GALNTL6: variants seen among roughly 807,000 people sequenced by gnomAD.
GALNTL6 encodes the protein polypeptide N-acetylgalactosaminyltransferase-like 6.
Under a neutral mutation model 73.7 loss-of-function variants are expected in GALNTL6, and 46 were observed. The ratio of observed to expected loss-of-function variants is 0.62; its 90% CI spans 0.49 to 0.80. The LOEUF is 0.80. Among genes scored for constraint, GALNTL6 ranks in the 30% least tolerant of loss-of-function variants. The pLI, the probability that GALNTL6 is intolerant of heterozygous loss-of-function variation, is 0.00. For missense variants in GALNTL6, 604 were observed against 755.0 expected, an observed-to-expected ratio of 0.80 and a Z score of 2.34; for synonymous variants, 259 against 263.7, an observed-to-expected ratio of 0.98 and a Z score of 0.17.
chr4:172,846,137 T>C (rs1743494356), intron 7 of GALNTL6, among the ~76,000 whole-genome samples: 1 of 152,154 alleles, frequency 6.6e-6, no homozygotes, highest in Admixed American at 6.5e-5. Context: ...CTGGCCCCAG[T>C]AGGGAAGAGC....
At chr4:172,559,295 A>G (rs919227588) in intron 5 of GALNTL6, among the ~76,000 whole-genome samples, 1 of 151,798 alleles carries the variant, frequency 6.6e-6, no homozygotes, top group African/African-American at 2.4e-5. Context: ...TGATCTCCTG[A>G]TCTCGTGATC....
intron 2 of GALNTL6, among the ~76,000 whole-genome samples, chr4:171,914,601 A>G (rs945542371): frequency 3.3e-5 from 5 of 151,614 alleles, no homozygotes; most frequent in Non-Finnish European, 7.4e-5. Flanking sequence ...TTTTTAGTAG[A>G]GATGGGGTTT....
chr4:172,960,161 G>A (rs1438118088), intron 10 of GALNTL6, among the ~76,000 whole-genome samples: 1 of 152,230 alleles, frequency 6.6e-6, no homozygotes, highest in Non-Finnish European at 1.5e-5. Flanking sequence ...GGGCTGTAAA[G>A]CGTCTCAGGG....
chr4:172,319,085 G>A (rs1052747192), intron 4 of GALNTL6, among the ~76,000 whole-genome samples: 2 of 152,110 alleles, frequency 1.3e-5, no homozygotes, highest in African/African-American at 4.8e-5. Flanking sequence ...GAAGTTTACT[G>A]AAATGACAGA....
chr4:172,165,551 A>T (rs1734596348), intron 2 of GALNTL6, among the ~76,000 whole-genome samples: 1 of 152,146 alleles, frequency 6.6e-6, no homozygotes, highest in Admixed American at 6.6e-5. Context: ...ATGCAAATAT[A>T]TTTCCTTTAC....
At chr4:172,109,880 G>T (rs926410205) in intron 2 of GALNTL6, among the ~76,000 whole-genome samples, 3 of 152,140 alleles carry the variant, frequency 2.0e-5, no homozygotes, top group Non-Finnish European at 4.4e-5. Flanking sequence ...GGGATCTCAA[G>T]AAAAACAGTT....
rs1457066635 is a variant in GALNTL6 at position 173,039,959 on chromosome 4, C to T, written c.1665C>T (p.Ser555=). The change falls in exon 13 of 13, where the codon AGC becomes AGT. Residue 555 remains serine, a synonymous_variant. Coordinates refer to ENST00000506823, the MANE Select transcript of GALNTL6 (RefSeq NM_001034845.3). ...RKDRTLFHPV[S]NSCMDCNPAE... ...ACAGAACATTATTCCATCCTGTGAG[C>T]AACAGCTGCATGGATTGCAACCCCG... The T allele has an allele frequency of 1.2e-6, 2 of 1,613,748 alleles. No individual in the cohort carries two copies. Among genetic ancestry groups the T allele is most frequent in the South Asian group, 2.2e-5 (2 of 90,992 alleles).
intron 10 of GALNTL6, among the ~76,000 whole-genome samples, chr4:172,996,857 T>TA (rs397880171): frequency 6.6e-6 from 1 of 151,618 alleles, no homozygotes; most frequent in Non-Finnish European, 1.5e-5. Context: ...TGGATTTTTT[T>TA]AAGTCCAGGT....
chr4:171,824,727 C>T (rs1295343072), intron 2 of GALNTL6, among the ~76,000 whole-genome samples: 1 of 152,184 alleles, frequency 6.6e-6, no homozygotes, highest in Admixed American at 6.5e-5. Context: ...TACATTTTTG[C>T]ATTTTTATTT....
chr4:173,024,282 C>T (rs1192798968), intron 12 of GALNTL6, among the ~76,000 whole-genome samples: 1 of 152,178 alleles, frequency 6.6e-6, no homozygotes, highest in East Asian at 1.9e-4. Flanking sequence ...CTTTTTGTAG[C>T]TGTTGGTATT....
chr4:172,250,409 C>T (rs190740904), intron 3 of GALNTL6, among the ~76,000 whole-genome samples: 50 of 152,230 alleles, frequency 3.3e-4, no homozygotes, highest in African/African-American at 1.2e-3. Flanking sequence ...CTTTGGGGGA[C>T]TGTTGAAAAG....
chr4:172,405,423 A>T (rs1561068103), intron 5 of GALNTL6, among the ~76,000 whole-genome samples: 1 of 20,580 alleles, frequency 4.9e-5, no homozygotes, highest in East Asian at 1.4e-3. Context: ...ATATATATAT[A>T]TATATATATA....
At chr4:172,364,350 T>C (rs967079842) in intron 5 of GALNTL6, among the ~76,000 whole-genome samples, 1 of 152,132 alleles carries the variant, frequency 6.6e-6, no homozygotes, top group Non-Finnish European at 1.5e-5. Flanking sequence ...CTTAGAATTT[T>C]GAGGTTACAG....
intron 5 of GALNTL6, among the ~76,000 whole-genome samples, chr4:172,390,168 AG>A (rs1743610022): frequency 6.6e-6 from 1 of 152,186 alleles, no homozygotes; most frequent in Non-Finnish European, 1.5e-5. Context: ...AAAATATTTT[AG>A]GGGCCTATTG....
rs538758295 is a variant in GALNTL6 at position 172,964,443 on chromosome 4, A to G, written c.1371+12185A>G. Among the ~76,000 whole-genome samples the G allele has an allele frequency of 5.3e-5, 8 of 152,364 alleles. No homozygotes were observed. In the East Asian group the frequency reaches 1.5e-3, roughly 29 times the overall value. ...CTGTCCTCAATGTGCCAATCTGGGT[A>G]CATCCATTTGTCACCTTGCGATTGT... is the stretch of plus-strand genomic sequence containing the variant. On this transcript the variant is annotated intron_variant, in intron 10 of 12. Coordinates refer to ENST00000506823, the MANE Select transcript of GALNTL6 (RefSeq NM_001034845.3).
At chr4:172,040,526 A>G (rs972156910) in intron 2 of GALNTL6, among the ~76,000 whole-genome samples, 10 of 152,048 alleles carry the variant, frequency 6.6e-5, no homozygotes, top group African/African-American at 2.4e-4. Context: ...GAGAAAAACA[A>G]TTTGCTTACT....
At chr4:171,873,391 A>C (rs1196384715) in intron 2 of GALNTL6, among the ~76,000 whole-genome samples, 1 of 152,182 alleles carries the variant, frequency 6.6e-6, no homozygotes, top group Non-Finnish European at 1.5e-5. Flanking sequence ...TTGTGAATTA[A>C]ATGGAGATAA....
intron 4 of GALNTL6, among the ~76,000 whole-genome samples, chr4:172,327,405 A>G (rs1285048483): frequency 1.3e-5 from 2 of 152,126 alleles, no homozygotes; most frequent in South Asian, 2.1e-4. Flanking sequence ...GTAGAGGTCT[A>G]TCAAATCCAT....
intron 7 of GALNTL6, among the ~76,000 whole-genome samples, chr4:172,850,150 C>A (rs529553525): frequency 6.6e-6 from 1 of 152,296 alleles, no homozygotes; most frequent in Admixed American, 6.5e-5. Flanking sequence ...TGGACAGAAG[C>A]AAACATGGAC....
Sources: allele counts gnomAD v4.1 joint callset (sites outside exome capture counted in the v4.1 genomes callset), GRCh38; gene constraint gnomAD v4.1.1; transcripts MANE v1.5; gene names NCBI Gene and HGNC (gene_info 2026-07-23, HGNC 2026-07-21).